The following DLGAP1 variants were observed in gnomAD, a reference collection of about 807,000 sequenced individuals.
The protein encoded by DLGAP1 is DLG associated protein 1.
DLGAP1 carries 11 observed loss-of-function variants against 90.8 expected under a neutral mutation model. That is an observed-to-expected ratio of 0.12 (90% CI 0.08 to 0.20). DLGAP1 has a LOEUF of 0.20. Ranked by LOEUF, DLGAP1 falls within the 10% of genes least tolerant of loss-of-function variation. DLGAP1 has a pLI of 1.00. For missense variants in DLGAP1, 1,050 were observed against 1,333.8 expected (o/e 0.79, Z 3.31); for synonymous variants, 558 against 540.7 (o/e 1.03, Z -0.44).
At chr18:3,750,629 T>C (rs2063459489) in intron 5 of DLGAP1, among the ~76,000 whole-genome samples, 1 of 152,194 alleles carries the variant, frequency 6.6e-6, no homozygotes, top group Non-Finnish European at 1.5e-5. Flanking sequence ...CCTGTATCCT[T>C]GAATGTATCT....
At chr18:4,097,043 C>G (rs1163464002) in intron 2 of DLGAP1, among the ~76,000 whole-genome samples, 1 of 152,226 alleles carries the variant, frequency 6.6e-6, no homozygotes, top group Non-Finnish European at 1.5e-5. Flanking sequence ...TCCAGCTTAT[C>G]TTCTGTTTTG....
At chr18:4,135,384 T>C (rs1279852523) in intron 2 of DLGAP1, among the ~76,000 whole-genome samples, 3 of 152,166 alleles carry the variant, frequency 2.0e-5, no homozygotes, top group South Asian at 2.1e-4. Flanking sequence ...CTAAACATGG[T>C]CAATAAGTCA....
chr18:4,367,532 C>CA (rs1039051569), intron 1 of DLGAP1, among the ~76,000 whole-genome samples: 5 of 151,486 alleles, frequency 3.3e-5, no homozygotes, highest in African/African-American at 9.7e-5. Context: ...AATATTATTC[C>CA]AAAAAAAATT....
At chr18:3,722,379 G>A (rs1010836126) in intron 7 of DLGAP1, 2 of 152,138 alleles carry the variant, frequency 1.3e-5, no homozygotes, top group East Asian at 3.9e-4. Flanking sequence ...ATCCTACCTC[G>A]AGTGCCCCAC....
At position 4,216,301 on chromosome 18, in the gene DLGAP1, C is replaced by G. The variant is rs556946674; in HGVS notation, c.-266-65014G>C. 2.4e-4 allele frequency among the ~76,000 whole-genome samples: 36 copies of G among 148,412 alleles called. No homozygotes were observed. In the East Asian group the frequency reaches 5.5e-3, roughly 23 times the overall value. On this transcript the variant is annotated intron_variant, in intron 1 of 12. Transcript: ENST00000315677. Reference sequence around the variant, plus strand: ...TCTCGTGATTAAATTACCCCCCCCCCACCAGGTCCCTCCCATGACACATGG... The same window carrying G: ...TCTCGTGATTAAATTACCCCCCCCCGACCAGGTCCCTCCCATGACACATGG...
At chr18:4,444,165 C>T (rs1042423583) in intron 1 of DLGAP1, among the ~76,000 whole-genome samples, 5 of 152,188 alleles carry the variant, frequency 3.3e-5, no homozygotes, top group East Asian at 1.9e-4. Flanking sequence ...ACTGTGACCA[C>T]GAGGGAGACG....
chr18:3,885,183 T>A (rs1217418398), intron 3 of DLGAP1, among the ~76,000 whole-genome samples: 1 of 152,212 alleles, frequency 6.6e-6, no homozygotes, highest in Non-Finnish European at 1.5e-5. Context: ...GCCTTACTCT[T>A]AAACTCCCTT....
At chr18:4,189,618 C>T (rs1203007928) in intron 1 of DLGAP1, among the ~76,000 whole-genome samples, 2 of 152,040 alleles carry the variant, frequency 1.3e-5, no homozygotes, top group Non-Finnish European at 2.9e-5. Context: ...CAACCAATTC[C>T]TAAGTTTATA....
At chr18:3,752,449 C>T (rs1300836887) in intron 5 of DLGAP1, among the ~76,000 whole-genome samples, 1 of 151,988 alleles carries the variant, frequency 6.6e-6, no homozygotes, top group Non-Finnish European at 1.5e-5. Context: ...ATCATACAAT[C>T]CGTGGCCTTT....
At chr18:3,736,759 A>T (rs2062655480) in intron 6 of DLGAP1, among the ~76,000 whole-genome samples, 1 of 152,124 alleles carries the variant, frequency 6.6e-6, no homozygotes, top group South Asian at 2.1e-4. Flanking sequence ...AAGGCAAGAA[A>T]TAACTAAAAT....
intron 1 of DLGAP1, among the ~76,000 whole-genome samples, chr18:4,238,065 C>A (rs2078456298): frequency 1.3e-5 from 2 of 152,242 alleles, no homozygotes; most frequent in East Asian, 3.9e-4. Flanking sequence ...TTTTAAGCAT[C>A]CTGTTGGTGC....
chr18:3,645,153 C>G (rs2059073972), intron 7 of DLGAP1, among the ~76,000 whole-genome samples: 1 of 151,872 alleles, frequency 6.6e-6, no homozygotes, highest in Non-Finnish European at 1.5e-5. Context: ...GGCTGGAGTG[C>G]AGTGGAGGAA....
At chr18:3,934,295 T>TA (rs1269406228) in intron 3 of DLGAP1, among the ~76,000 whole-genome samples, 7 of 152,166 alleles carry the variant, frequency 4.6e-5, no homozygotes, top group Non-Finnish European at 1.0e-4. Flanking sequence ...CTGTACATGT[T>TA]AGACAAGCCA....
intron 3 of DLGAP1, among the ~76,000 whole-genome samples, chr18:3,934,537 C>A (rs748253429): frequency 6.6e-6 from 1 of 151,918 alleles, no homozygotes; most frequent in African/African-American, 2.4e-5. Flanking sequence ...GAGAATAATA[C>A]GTATTATAGG....
intron 5 of DLGAP1, among the ~76,000 whole-genome samples, chr18:3,742,949 T>TCTTC (rs143048862): frequency 0.3 from 42,989 of 142,454 alleles, 6,738 homozygotes; most frequent in Non-Finnish European, 0.35. Flanking sequence ...TATCAATTTA[T>TCTTC]CTTCCTTCCT....
At chr18:4,076,905 G>A (rs569542688) in intron 2 of DLGAP1, among the ~76,000 whole-genome samples, 3 of 152,222 alleles carry the variant, frequency 2.0e-5, no homozygotes, top group Admixed American at 6.5e-5. Flanking sequence ...GATTACAGGC[G>A]TAAACCACGG....
intron 1 of DLGAP1, among the ~76,000 whole-genome samples, chr18:4,319,918 C>G (rs1366651705): frequency 6.6e-6 from 1 of 152,140 alleles, no homozygotes; most frequent in East Asian, 1.9e-4. Flanking sequence ...GCCTCTCCAA[C>G]CACTCATTCT....
At chr18:4,189,924 C>G (rs1363679263) in intron 1 of DLGAP1, among the ~76,000 whole-genome samples, 2 of 152,030 alleles carry the variant, frequency 1.3e-5, no homozygotes, top group African/African-American at 2.4e-5. Flanking sequence ...AAGCAACAGG[C>G]GCTCCCATAC....
At chr18:4,327,389 T>C (rs928348629) in intron 1 of DLGAP1, among the ~76,000 whole-genome samples, 6 of 152,072 alleles carry the variant, frequency 3.9e-5, no homozygotes, top group East Asian at 1.9e-4. Flanking sequence ...GAAGTGATTA[T>C]ACTTGCTCAA....
Sources: allele counts gnomAD v4.1 joint callset (sites outside exome capture counted in the v4.1 genomes callset), GRCh38; gene constraint gnomAD v4.1.1; transcripts MANE v1.5; gene names NCBI Gene and HGNC (gene_info 2026-07-23, HGNC 2026-07-21).